The following KAZN variants were observed in gnomAD, a reference collection of about 807,000 sequenced individuals.
The protein encoded by KAZN is kazrin, periplakin interacting protein.
In KAZN, 40 loss-of-function variants were observed where a neutral mutation model predicts 87.4. The ratio of observed to expected loss-of-function variants is 0.46; its 90% CI spans 0.36 to 0.60. The LOEUF is 0.60. KAZN is among the 20% of genes least tolerant of loss of function. The pLI, the probability that KAZN is intolerant of heterozygous loss-of-function variation, is 0.00. For missense variants in KAZN, 898 were observed against 1,073.9 expected (o/e 0.84, Z 2.29); for synonymous variants, 466 against 458.3 (o/e 1.02, Z -0.22).
intron 1 of KAZN, among the ~76,000 whole-genome samples, chr1:14,893,738 T>C (rs1183970398): frequency 6.6e-6 from 1 of 152,138 alleles, no homozygotes; most frequent in African/African-American, 2.4e-5. Context: ...GCAGAATCAA[T>C]CTGTGCCCGC....
At chr1:14,165,298 A>T (rs1411117335) in intron 1 of KAZN, among the ~76,000 whole-genome samples, 3 of 152,020 alleles carry the variant, frequency 2.0e-5, no homozygotes, top group Non-Finnish European at 4.4e-5. Context: ...TTCCCACTGG[A>T]AAGCCAGGTT....
chr1:13,898,907 A>G (rs563511021), intron 1 of KAZN, among the ~76,000 whole-genome samples: 12 of 152,384 alleles, frequency 7.9e-5, no homozygotes, highest in South Asian at 4.1e-4. Context: ...TGCCAAATTT[A>G]TAACTAAGAG....
At chr1:14,967,837 C>T (rs1227042833) in intron 2 of KAZN, among the ~76,000 whole-genome samples, 2 of 152,184 alleles carry the variant, frequency 1.3e-5, no homozygotes, top group East Asian at 1.9e-4. Flanking sequence ...GGTTTTAGCC[C>T]GGTAACACCC....
intron 2 of KAZN, among the ~76,000 whole-genome samples, chr1:14,548,035 TAA>T (rs35205953): frequency 3.5e-4 from 43 of 124,262 alleles, no homozygotes; most frequent in Non-Finnish European, 3.7e-4. Context: ...GGTGATGAGC[TAA>T]AAAAAAAAAA....
At chr1:14,712,235 T>G (rs890837992) in intron 1 of KAZN, among the ~76,000 whole-genome samples, 2 of 152,080 alleles carry the variant, frequency 1.3e-5, no homozygotes, top group African/African-American at 4.8e-5. Context: ...GAGAAGAGAT[T>G]AGAAGGGCAG....
intron 2 of KAZN, among the ~76,000 whole-genome samples, chr1:14,255,163 G>A (rs1303118292): frequency 3.3e-5 from 5 of 151,028 alleles, no homozygotes; most frequent in Non-Finnish European, 7.4e-5. Context: ...GAAGAAAGGG[G>A]AGAAGAGGAG....
At chr1:14,399,924 CAT>C (rs1003967701) in intron 2 of KAZN, among the ~76,000 whole-genome samples, 17 of 152,180 alleles carry the variant, frequency 1.1e-4, no homozygotes, top group Non-Finnish European at 1.3e-4. Context: ...TCATTTCCCA[CAT>C]GACTTAACGG....
In KAZN at chr1:13,952,186, C is replaced by A. The variant is rs138787324; in HGVS notation, c.91+58430C>A. On this transcript the variant is annotated intron_variant, in intron 1 of 16. Coordinates refer to the KAZN transcript ENST00000636203. ...GTTATTAATATTATTTACTGGGCTG[C>A]CTTTTTGTCTTCTAAATTGAATTAC... Among the ~76,000 whole-genome samples, 617 of 151,964 alleles carry A rather than the reference C, an allele frequency of 4.1e-3. 3 individuals are homozygous for A. Among genetic ancestry groups the A allele is most frequent in the African/African-American group, 0.014 (595 of 41,428 alleles).
chr1:14,072,625 T>C (rs1557451872), intron 1 of KAZN, among the ~76,000 whole-genome samples: 2 of 152,164 alleles, frequency 1.3e-5, no homozygotes, highest in Non-Finnish European at 2.9e-5. Context: ...CTTCCACTGG[T>C]GAGAGGCGGC....
chr1:14,934,833 G>A (rs1660265191), intron 1 of KAZN, among the ~76,000 whole-genome samples: 1 of 152,232 alleles, frequency 6.6e-6, no homozygotes, highest in Non-Finnish European at 1.5e-5. Context: ...TCCTTTCAGA[G>A]AAGGGTGGGG....
At chr1:14,665,946 A>T (rs1557874784) in intron 1 of KAZN, among the ~76,000 whole-genome samples, 1 of 151,770 alleles carries the variant, frequency 6.6e-6, no homozygotes, top group Admixed American at 6.6e-5. Context: ...AAAAAAAAAA[A>T]AAAAAAATAA....
intron 1 of KAZN, among the ~76,000 whole-genome samples, chr1:13,938,134 T>A (rs921062512): frequency 6.6e-6 from 1 of 152,220 alleles, no homozygotes; most frequent in African/African-American, 2.4e-5. Flanking sequence ...ATGGTCATTT[T>A]AAAAATATTG....
At chr1:14,273,390 C>G (rs1557608353) in intron 2 of KAZN, among the ~76,000 whole-genome samples, 1 of 152,004 alleles carries the variant, frequency 6.6e-6, no homozygotes, top group African/African-American at 2.4e-5. Context: ...CCCTAAAATT[C>G]CTTATGAAAT....
chr1:14,631,728 T>G (rs533505436), intron 1 of KAZN, among the ~76,000 whole-genome samples: 32 of 152,328 alleles, frequency 2.1e-4, no homozygotes, highest in African/African-American at 7.7e-4. Flanking sequence ...GCTGCTGGGA[T>G]TTTTCCCAGG....
intron 1 of KAZN, among the ~76,000 whole-genome samples, chr1:14,892,451 G>A (rs973800409): frequency 1.3e-5 from 2 of 148,746 alleles, no homozygotes; most frequent in Non-Finnish European, 3.0e-5. Context: ...TACAATCCCT[G>A]GATCATCTGA....
intron 3 of KAZN, among the ~76,000 whole-genome samples, chr1:15,035,635 G>A (rs1351936597): frequency 6.6e-6 from 1 of 152,148 alleles, no homozygotes; most frequent in East Asian, 1.9e-4. Flanking sequence ...AATGCTTGAG[G>A]ACAAGAATTC....
intron 1 of KAZN, among the ~76,000 whole-genome samples, chr1:14,858,553 C>T (rs1414013452): frequency 1.3e-5 from 2 of 152,308 alleles, no homozygotes; most frequent in African/African-American, 2.4e-5. Context: ...AGCTGACAGA[C>T]GTTTGGGTCG....
intron 1 of KAZN, among the ~76,000 whole-genome samples, chr1:13,942,257 C>T (rs1445782739): frequency 1.3e-5 from 2 of 152,046 alleles, no homozygotes; most frequent in African/African-American, 2.4e-5. Context: ...ATATAATTCA[C>T]CGGCCAGGCG....
At chr1:14,818,674 A>C (rs1361032176) in intron 1 of KAZN, among the ~76,000 whole-genome samples, 1 of 152,208 alleles carries the variant, frequency 6.6e-6, no homozygotes, top group African/African-American at 2.4e-5. Flanking sequence ...GCCAAAACTC[A>C]TTGCAGGGAA....
Sources: gnomAD v4.1 joint callset for allele counts (sites outside exome capture counted in the v4.1 genomes callset) on GRCh38, gnomAD v4.1.1 for gene constraint, MANE v1.5 for transcripts, NCBI Gene and HGNC (gene_info 2026-07-23, HGNC 2026-07-21) for gene names.